Variants in SVIL observed in about 807,000 individuals in gnomAD.
SVIL encodes archvillin.
SVIL carries 101 observed loss-of-function variants against 240.4 expected under a neutral mutation model. That is an observed-to-expected ratio of 0.42 (90% CI 0.36 to 0.50). SVIL has a LOEUF of 0.50. Ranked by LOEUF, SVIL falls within the 20% of genes least tolerant of loss-of-function variation. The probability of loss-of-function intolerance (pLI) is 0.01; values close to 1 mark genes in which losing one functional copy is unlikely to be tolerated. For missense variants in SVIL, 2,512 were observed against 2,818.7 expected (o/e 0.89, Z 2.46); for synonymous variants, 999 against 1,100.0 (o/e 0.91, Z 1.82).
chr10:29,583,451 C>A (rs12774608), intron 1 of SVIL, among the ~76,000 whole-genome samples: 1 of 152,116 alleles, frequency 6.6e-6, no homozygotes, highest in Non-Finnish European at 1.5e-5. Context: ...AGGGGCCCAC[C>A]ACCACGCCTA....
chr10:29,581,563 G>A (rs541005930), intron 1 of SVIL, among the ~76,000 whole-genome samples: 1 of 152,322 alleles, frequency 6.6e-6, no homozygotes, highest in South Asian at 2.1e-4. Context: ...CGGATGTGTT[G>A]AAAGAAAACC....
chr10:29,704,943 C>A (rs539095928), intron 1 of SVIL, among the ~76,000 whole-genome samples: 4 of 152,244 alleles, frequency 2.6e-5, no homozygotes, highest in Non-Finnish European at 5.9e-5. Flanking sequence ...AATTACTTCT[C>A]GCTTATGTAA....
rs879735282 is a variant in SVIL, at chr10:29,565,736, T to A, written c.-142-2444A>T. On this transcript the variant is annotated intron_variant, in intron 2 of 37. Coordinates refer to ENST00000355867, the MANE Select transcript of SVIL (RefSeq NM_021738.3). ...AAGATCCCATCTCTAAAAAAAAAAA[T>A]AGGAAAATTAGCCAGGCACAGTGGC... Among the ~76,000 whole-genome samples the A allele has an allele frequency of 9.4e-3, 1,241 of 131,666 alleles. 18 individuals are homozygous for A. The highest frequency in any genetic ancestry group is 0.014 in the Non-Finnish European group (863 of 60,724). The allele number at this position is 131,666 out of a possible 152,430, so 86.4% of individuals were successfully genotyped here.
In SVIL at chr10:29,588,600, T is replaced by C. The variant is rs139037816; in HGVS notation, c.-200-19288A>G. 5.3e-5 allele frequency among the ~76,000 whole-genome samples: 8 copies of C among 152,306 alleles called. No homozygotes were observed. In the East Asian group the frequency reaches 1.4e-3, roughly 26 times the overall value. On this transcript the variant is annotated intron_variant, in intron 1 of 37. Transcript: ENST00000355867. ...TAATTCAGCATTTACCAAACCAAAA[T>C]AGTCCCTAGGAAATTCTCTGACAGA...
intron 9 of SVIL, 72 bp downstream of exon 9, chr10:29,531,930 C>A (rs1951396763): frequency 2.0e-6 from 3 of 1,526,868 alleles, no homozygotes; most frequent in African/African-American, 2.7e-5. Context: ...AGCGTCAAGA[C>A]CGTCAGTGTG....
At chr10:29,693,928 G>A (rs894914562) in intron 1 of SVIL, among the ~76,000 whole-genome samples, 3 of 151,198 alleles carry the variant, frequency 2.0e-5, no homozygotes, top group East Asian at 3.9e-4. Flanking sequence ...GAGATAGATA[G>A]ATAGATACAT....
chr10:29,621,706 C>A (rs1353186736), intron 1 of SVIL, among the ~76,000 whole-genome samples: 1 of 152,188 alleles, frequency 6.6e-6, no homozygotes, highest in Non-Finnish European at 1.5e-5. Flanking sequence ...GGGGGTCTGG[C>A]CTCTTCTTGA....
chr10:29,544,781 A>C (rs1952489867), intron 6 of SVIL, among the ~76,000 whole-genome samples: 1 of 148,338 alleles, frequency 6.7e-6, no homozygotes, highest in African/African-American at 2.5e-5. Context: ...AAAAAAAAAG[A>C]ATAAGAATTG....
chr10:29,516,177 G>A (rs1358650762), intron 16 of SVIL, among the ~76,000 whole-genome samples: 1 of 152,158 alleles, frequency 6.6e-6, no homozygotes, highest in East Asian at 1.9e-4. Context: ...TTCCCACCAT[G>A]GGATGGCCTC....
At chr10:29,486,297 G>T (rs1242964975) in intron 25 of SVIL, 67 bp from the exon 26 acceptor site, 11 of 1,595,466 alleles carry the variant, frequency 6.9e-6, no homozygotes, top group Non-Finnish European at 9.4e-6. Context: ...TGTAAAATGT[G>T]AATGAATTTC....
chr10:29,485,422 C>G (rs534580239), intron 26 of SVIL, among the ~76,000 whole-genome samples: 34 of 152,364 alleles, frequency 2.2e-4, no homozygotes, highest in African/African-American at 8.2e-4. Flanking sequence ...TCTCCCTTCA[C>G]TTCCAGCAAT....
intron 2 of SVIL, among the ~76,000 whole-genome samples, chr10:29,660,499 T>C (rs1274555150): frequency 6.6e-6 from 1 of 152,088 alleles, no homozygotes; most frequent in Non-Finnish European, 1.5e-5. Flanking sequence ...TCCCAGCTAC[T>C]AGGGAGGCTG....
chr10:29,487,390 C>T, intron 23 of SVIL, 91 bp from the exon 24 acceptor site: 3 of 1,371,690 alleles, frequency 2.2e-6, no homozygotes, highest in African/African-American at 1.5e-5. Context: ...CGGACGCTTT[C>T]ACTTCTAAAG....
intron 13 of SVIL, 75 bp downstream of exon 13, chr10:29,526,886 T>A (rs1950957797): frequency 1.6e-6 from 2 of 1,212,928 alleles, no homozygotes; most frequent in African/African-American, 3.1e-5. Context: ...ACGACAGACA[T>A]TCAAGACTTT....
chr10:29,578,385 C>T (rs1375868624), intron 1 of SVIL, among the ~76,000 whole-genome samples: 1 of 152,166 alleles, frequency 6.6e-6, no homozygotes, highest in Non-Finnish European at 1.5e-5. Flanking sequence ...AGGAGAAAAT[C>T]CTGGCATGAA....
chr10:29,730,169 C>T (rs147421360), intron 1 of SVIL, among the ~76,000 whole-genome samples: 1,700 of 152,126 alleles, frequency 0.011, 35 homozygotes, highest in African/African-American at 0.037. Flanking sequence ...CAGAGCAAGA[C>T]CCTGTCTCTA....
chr10:29,556,724 A>G (rs544115818), intron 3 of SVIL, among the ~76,000 whole-genome samples: 1 of 152,228 alleles, frequency 6.6e-6, no homozygotes, highest in African/African-American at 2.4e-5. Flanking sequence ...AGAATGGTGC[A>G]CCCCGCCATG....
chr10:29,532,758 C>T lies in SVIL; in HGVS notation c.1609G>A (p.Ala537Thr), dbSNP rs550368339. The T allele has an allele frequency of 1.8e-4, 291 of 1,614,154 alleles. 5 individuals carry two copies. In the South Asian group the frequency reaches 3.1e-3, roughly 17 times the overall value. ...DAKPTGHNRE[A>T]SKKRKVRTRS... ...GTACGGACCTTGCGCTTTTTCGAGG[C>T]TTCCCTGTTGTGACCAGTTGGTTTG... is the stretch of plus-strand genomic sequence containing the variant. Residue 537 changes from alanine (A) to threonine (T), a missense_variant, in exon 8 of 38, where the codon GCC (alanine) becomes ACC (threonine). Transcript: ENST00000355867.
At chr10:29,547,873 G>T (rs1952838124) in intron 6 of SVIL, among the ~76,000 whole-genome samples, 1 of 152,040 alleles carries the variant, frequency 6.6e-6, no homozygotes, top group Non-Finnish European at 1.5e-5. Context: ...TTTTAAATTG[G>T]AGTCTGTTAG....
Sources: gnomAD v4.1 joint callset for allele counts (sites outside exome capture counted in the v4.1 genomes callset) on GRCh38, gnomAD v4.1.1 for gene constraint, MANE v1.5 for transcripts, NCBI Gene and HGNC (gene_info 2026-07-23, HGNC 2026-07-21) for gene names.